The following PFKP variants were observed in gnomAD, a reference collection of about 807,000 sequenced individuals.
PFKP encodes phosphofructokinase, platelet.
Under a neutral mutation model 94.3 loss-of-function variants are expected in PFKP, and 101 were observed. The observed-to-expected ratio is 1.07, with a 90% CI of 0.91 to 1.26. The LOEUF (loss-of-function observed/expected upper bound fraction) is 1.26, where lower values mean the gene tolerates loss of function less well. Among genes scored for constraint, PFKP ranks in the 50% most tolerant of loss-of-function variants. The probability of loss-of-function intolerance (pLI) is 0.00; values close to 1 mark genes in which losing one functional copy is unlikely to be tolerated. For missense variants in PFKP, 1,145 were observed against 1,103.3 expected, an observed-to-expected ratio of 1.04 and a Z score of -0.53; for synonymous variants, 573 against 432.6, an observed-to-expected ratio of 1.32 and a Z score of -4.03.
intron 18 of PFKP, 96 bp from the exon 19 acceptor site, chr10:3,133,107 G>A (rs745436225): frequency 4.9e-6 from 4 of 819,890 alleles, no homozygotes; most frequent in African/African-American, 1.7e-5. Context: ...AGGGTTGGGG[G>A]ATGCGGGAGT....
intron 1 of PFKP, among the ~76,000 whole-genome samples, chr10:3,079,822 C>T (rs1832906278): frequency 6.6e-6 from 1 of 152,118 alleles, no homozygotes; most frequent in Non-Finnish European, 1.5e-5. Flanking sequence ...AGCTGTGCGT[C>T]CACCCTTCGA....
intron 2 of PFKP, among the ~76,000 whole-genome samples, chr10:3,087,984 C>CTTTTTTTTTTTTTTTT (rs1224829610): frequency 6.2e-5 from 6 of 96,610 alleles, no homozygotes; most frequent in Admixed American, 1.2e-4. Context: ...ATCTTTCATT[C>CTTTTTTTTTTTTTTTT]TTTTTTTTTT....
chr10:3,091,072 G>A lies in PFKP; in HGVS notation c.187-8203G>A, dbSNP rs546859704. Among the ~76,000 whole-genome samples the A allele has an allele frequency of 3.3e-5, 5 of 152,192 alleles. No homozygotes were observed. In the East Asian group the frequency reaches 5.8e-4, roughly 18 times the overall value. ...ATCGAGGGACCTCTGCTGTCTGGCC[G>A]CTGCTTGAGCTCCTATAAACCTGGG... On this transcript the variant is annotated intron_variant, in intron 2 of 21. Transcript: ENST00000381125.
At chr10:3,100,217 G>A (rs747776758) in intron 3 of PFKP, among the ~76,000 whole-genome samples, 4 of 151,954 alleles carry the variant, frequency 2.6e-5, no homozygotes, top group Non-Finnish European at 5.9e-5. Context: ...AGCTCCCATT[G>A]TGCTGGCTCT....
intron 18 of PFKP, 35 bp downstream of exon 18, chr10:3,132,476 C>T (rs761794872): frequency 2.1e-6 from 3 of 1,396,080 alleles, no homozygotes; most frequent in South Asian, 1.2e-5. Flanking sequence ...ATCTTACCCT[C>T]ACCGCCACAC....
intron 4 of PFKP, 27 bp from the exon 5 acceptor site, chr10:3,103,752 G>C (rs1439503460): frequency 6.2e-7 from 1 of 1,612,146 alleles, no homozygotes; most frequent in African/African-American, 1.3e-5. Context: ...TTACGGCGAT[G>C]AGACGTGCTG....
intron 1 of PFKP, chr10:3,069,151 C>A (rs556408011): frequency 2.1e-6 from 2 of 957,488 alleles, no homozygotes; most frequent in Non-Finnish European, 1.3e-6. Flanking sequence ...CCAGCGCCCC[C>A]CGCGGGAGAC....
Position 3,067,626 on chromosome 10 carries a change from G to T in PFKP, c.31G>T (p.Gly11Cys). MDADDSRAPK[G>C]SLRKFLEHLS... ...CGCGGACGACTCCCGGGCCCCCAAG[G>T]GCTCCTTGCGGAAGTTCCTGGAGCA... is the stretch of plus-strand genomic sequence containing the variant. Residue 11 changes from glycine (G) to cysteine (C), a missense_variant, in exon 1 of 22, where the codon GGC (glycine) becomes TGC (cysteine). Gly to Cys is a radical substitution (Grantham distance 159). Coordinates refer to ENST00000381125, the MANE Select transcript of PFKP (RefSeq NM_002627.5). 5 of 1,533,516 alleles carry T rather than the reference G, an allele frequency of 3.3e-6. No individual in the cohort carries two copies. Among genetic ancestry groups the T allele is most frequent in the Non-Finnish European group, 4.4e-6 (5 of 1,139,762 alleles). 95.0% of individuals were successfully genotyped at this position (1,533,516 alleles called of 1,614,324 possible). A position where few individuals can be genotyped will look rare whatever the true frequency, so the allele number is the denominator to read the frequency against.
In PFKP at chr10:3,113,829, T is replaced by C. The variant is rs1202418083; in HGVS notation, c.1371+311T>C. ...GAAGGTGGCGTTGTCTCGGAGGCTG[T>C]GGTTTGTTTAAACCGGGCACTGGAG... On this transcript the variant is annotated intron_variant, in intron 13 of 21. Coordinates refer to ENST00000381125, the MANE Select transcript of PFKP (RefSeq NM_002627.5). Among the ~76,000 whole-genome samples, 8 of 152,238 alleles carry C rather than the reference T, an allele frequency of 5.3e-5. No individual in the cohort carries two copies. The South Asian group carries it at 1.2e-3, about 24-fold the overall frequency.
chr10:3,070,774 C>T (rs961732108), intron 1 of PFKP, among the ~76,000 whole-genome samples: 7 of 152,072 alleles, frequency 4.6e-5, no homozygotes, highest in East Asian at 3.8e-4. Context: ...GCTGTGTCAC[C>T]CAGGCCAGAG....
intron 16 of PFKP, among the ~76,000 whole-genome samples, chr10:3,123,716 C>T (rs538696586): frequency 7.2e-5 from 11 of 152,386 alleles, no homozygotes; most frequent in African/African-American, 1.2e-4. Flanking sequence ...TCCCACGTGG[C>T]GGTGCTGAGG....
intron 2 of PFKP, among the ~76,000 whole-genome samples, chr10:3,092,078 T>G (rs1834084006): frequency 6.6e-6 from 1 of 152,150 alleles, no homozygotes; most frequent in Non-Finnish European, 1.5e-5. Flanking sequence ...CCATGGAGCC[T>G]GTGCCACCTG....
Position 3,082,424 on chromosome 10 carries a change from G to T in PFKP, c.149G>T (p.Gly50Val). 1 of 1,607,870 alleles carries T rather than the reference G, an allele frequency of 6.2e-7. No individual in the cohort carries two copies. Among genetic ancestry groups the T allele is most frequent in the South Asian group, 1.1e-5 (1 of 90,524 alleles). Residue 50 changes from glycine to valine, a missense_variant, in exon 2 of 22, where the codon GGT becomes GTT. By Grantham distance (109) the Gly-to-Val change is moderately radical. Coordinates refer to ENST00000381125, the MANE Select transcript of PFKP (RefSeq NM_002627.5). The stretch of plus-strand genomic sequence containing the variant: ...GCCGTCCGTGCCGTGGTGCGCATGG[G>T]TATCTACGTGGGGGCCAAGGTGTAC... ...NAAVRAVVRM[G>V]IYVGAKVYFI... is the part of the protein sequence containing the mutation.
chr10:3,135,341 C>A (rs1338281702), intron 20 of PFKP, among the ~76,000 whole-genome samples: 1 of 152,260 alleles, frequency 6.6e-6, no homozygotes, highest in African/African-American at 2.4e-5. Context: ...TTTTGAAGAA[C>A]TGACTTTGGC....
chr10:3,088,177 G>T (rs1833772105), intron 2 of PFKP, among the ~76,000 whole-genome samples: 1 of 128,126 alleles, frequency 7.8e-6, no homozygotes, highest in Non-Finnish European at 1.6e-5. Context: ...CCCGGTGTGT[G>T]ATGTTCCCCT....
chr10:3,122,321 G>A (rs1257617609), intron 16 of PFKP, among the ~76,000 whole-genome samples: 1 of 152,172 alleles, frequency 6.6e-6, no homozygotes, highest in African/African-American at 2.4e-5. Flanking sequence ...CCGTCTGACC[G>A]AGGTCACCCT....
At chr10:3,104,918 G>C in intron 5 of PFKP, 197 bp from the exon 6 acceptor site, 1 of 655,920 alleles carries the variant, frequency 1.5e-6, no homozygotes, top group Non-Finnish European at 2.7e-6. Context: ...CAGGAGTCTG[G>C]AAGGCTACTG....
At position 3,100,818 on chromosome 10, in the gene PFKP, T is replaced by G. The variant is rs1834916090; in HGVS notation, c.265-547T>G. The G allele has an allele frequency of 6.4e-6, 4 of 623,908 alleles. No homozygotes were observed. The East Asian group carries it at 1.1e-4, about 16-fold the overall frequency. 38.6% of individuals were successfully genotyped at this position (623,908 alleles called of 1,614,324 possible). On this transcript the variant is annotated intron_variant, in intron 3 of 21. Transcript: ENST00000381125. Reference sequence around the variant, plus strand: ...GAAGTTTGGATGAAAGAATTTAAGATCCTGAAGATATAGCTCTTTAAAAGG... The same window carrying G: ...GAAGTTTGGATGAAAGAATTTAAGAGCCTGAAGATATAGCTCTTTAAAAGG...
chr10:3,104,890 C>A (rs878877027), intron 5 of PFKP: 3 of 614,486 alleles, frequency 4.9e-6, no homozygotes, highest in Admixed American at 5.9e-5. Context: ...GCAGAGGTGG[C>A]TCAAGTCCCC....
Sources: gnomAD v4.1 joint callset for allele counts (sites outside exome capture counted in the v4.1 genomes callset) on GRCh38, gnomAD v4.1.1 for gene constraint, MANE v1.5 for transcripts, NCBI Gene and HGNC (gene_info 2026-07-23, HGNC 2026-07-21) for gene names.